The following OSBPL2 variants were observed in gnomAD, a reference collection of about 807,000 sequenced individuals.
The protein encoded by OSBPL2 is oxysterol-binding protein-related protein 2.
A neutral mutation model predicts 58.4 loss-of-function variants in OSBPL2; 18 were observed. The observed-to-expected ratio is 0.31, with a 90% CI of 0.21 to 0.46. OSBPL2 has a LOEUF of 0.46. Ranked by LOEUF, OSBPL2 falls within the 20% of genes least tolerant of loss-of-function variation. The probability of loss-of-function intolerance (pLI) is 1.00; values close to 1 mark genes in which losing one functional copy is unlikely to be tolerated. For missense variants in OSBPL2, 461 were observed against 616.5 expected (o/e 0.75, Z 2.67); for synonymous variants, 221 against 234.1 (o/e 0.94, Z 0.51).
intron 1 of OSBPL2, among the ~76,000 whole-genome samples, chr20:62,249,358 A>G (rs1980370773): frequency 6.6e-6 from 1 of 152,192 alleles, no homozygotes; most frequent in Non-Finnish European, 1.5e-5. Context: ...CTTAAAACAG[A>G]CAGAAAACCC....
chr20:62,256,019 TC>T, intron 1 of OSBPL2, 37 bp from the exon 2 acceptor site: 1 of 611,692 alleles, frequency 1.6e-6, no homozygotes, highest in Non-Finnish European at 2.8e-6. Flanking sequence ...CCGTGAAACT[TC>T]TGGAAGCTAA....
chr20:62,287,801 G>A (rs548597902), intron 11 of OSBPL2, among the ~76,000 whole-genome samples: 3 of 152,158 alleles, frequency 2.0e-5, no homozygotes, highest in Non-Finnish European at 2.9e-5. Flanking sequence ...GGAAAATTGC[G>A]TATGTTTTTT....
At chr20:62,289,121 A>T in intron 11 of OSBPL2, 86 bp from the exon 12 acceptor site, 1 of 1,495,186 alleles carries the variant, frequency 6.7e-7, no homozygotes. Context: ...CACCTGCGGG[A>T]TTTCAGGGGC....
intron 3 of OSBPL2, among the ~76,000 whole-genome samples, chr20:62,263,037 C>G (rs551764525): frequency 6.6e-6 from 1 of 152,236 alleles, no homozygotes; most frequent in African/African-American, 2.4e-5. Context: ...GTGGGGAGAC[C>G]AGGGCCCCGG....
At chr20:62,239,900 T>C (rs1400905634) in intron 1 of OSBPL2, among the ~76,000 whole-genome samples, 1 of 152,246 alleles carries the variant, frequency 6.6e-6, no homozygotes, top group African/African-American at 2.4e-5. Context: ...TTGCCCAGGC[T>C]GGAGTGCAGT....
chr20:62,261,182 T>C (rs1245769116), intron 3 of OSBPL2, among the ~76,000 whole-genome samples: 1 of 151,672 alleles, frequency 6.6e-6, no homozygotes. Flanking sequence ...TGGGCGTGGC[T>C]GTGCGCATCT....
Position 62,263,623 on chromosome 20 carries a change from C to T in OSBPL2, c.190C>T (p.Leu64=), listed in dbSNP as rs1250204888. 5 of 1,614,018 alleles carry T rather than the reference C, an allele frequency of 3.1e-6. No individual in the cohort carries two copies. The East Asian group carries it at 1.1e-4, about 36-fold the overall frequency. The change falls in exon 4 of 14, where the codon CTG becomes TTG. Residue 64 remains leucine (L), a synonymous_variant. Transcript: ENST00000313733. ...ENGIQKHRTS[L]PAPMFSRSDF... is the part of the protein sequence containing the mutation. ...CCCTTTTGTGCTTCGCAGGACATCG[C>T]TGCCGGCTCCCATGTTCAGCAGAAG...
chr20:62,254,227 G>C (rs529239156), intron 1 of OSBPL2, among the ~76,000 whole-genome samples: 71 of 152,312 alleles, frequency 4.7e-4, no homozygotes, highest in Non-Finnish European at 7.3e-4. Context: ...TCAGATCTCA[G>C]CATGTGTTTG....
rs1344014541 is a variant in OSBPL2, at chr20:62,286,585, T to C, written c.999T>C (p.Asp333=). Residue 333 remains aspartate (D), a splice_region_variant and synonymous_variant, in exon 11 of 14, where the codon GAT becomes GAC. Coordinates refer to ENST00000313733, the MANE Select transcript of OSBPL2 (RefSeq NM_144498.4). ...CACAGCAGGGTTCTGTGTTTCAGGA[T>C]GAAGACTCCGGGAAGGCTGACAGCG... ...RGDHLRKAKL[D]EDSGKADSDV... is the part of the protein sequence containing the mutation. The C allele has an allele frequency of 1.2e-6, 2 of 1,612,572 alleles. No individual in the cohort carries two copies. Among genetic ancestry groups the C allele is most frequent in the Non-Finnish European group, 1.7e-6 (2 of 1,179,074 alleles).
chr20:62,253,127 G>A (rs1021454813), intron 1 of OSBPL2, among the ~76,000 whole-genome samples: 12 of 152,276 alleles, frequency 7.9e-5, no homozygotes, highest in African/African-American at 2.7e-4. Flanking sequence ...GCCGTCTCTC[G>A]GGGTTCAGTG....
intron 3 of OSBPL2, among the ~76,000 whole-genome samples, chr20:62,263,221 C>T (rs1002174057): frequency 6.6e-6 from 1 of 152,198 alleles, no homozygotes; most frequent in Admixed American, 6.5e-5. Flanking sequence ...ATTCAGGTCA[C>T]TCTTGCTGCC....
intron 10 of OSBPL2, chr20:62,284,709 T>G (rs2145971563): frequency 6.5e-6 from 1 of 153,488 alleles, no homozygotes; most frequent in South Asian, 2.0e-4. Flanking sequence ...GCACGGAGGC[T>G]GCTGCTATAA....
intron 7 of OSBPL2, 75 bp downstream of exon 7, chr20:62,279,414 G>A: frequency 6.9e-7 from 1 of 1,456,876 alleles, no homozygotes; most frequent in East Asian, 2.4e-5. Flanking sequence ...TGGAGGGAAA[G>A]CTTCCTTCAG....
At chr20:62,243,474 C>T (rs745972694) in intron 1 of OSBPL2, among the ~76,000 whole-genome samples, 31 of 61,782 alleles carry the variant, frequency 5.0e-4, no homozygotes, top group Admixed American at 2.7e-3. Flanking sequence ...AGCGCCTGCC[C>T]GGCAGCTCCG....
At chr20:62,263,516 G>A in intron 3 of OSBPL2, 100 bp from the exon 4 acceptor site, 1 of 928,634 alleles carries the variant, frequency 1.1e-6, no homozygotes, top group Non-Finnish European at 1.8e-6. Flanking sequence ...CAATGTTTAG[G>A]AGTAAAAATT....
intron 6 of OSBPL2, among the ~76,000 whole-genome samples, chr20:62,275,517 A>G (rs6061478): frequency 0.98 from 149,203 of 152,050 alleles, 73,265 homozygotes; most frequent in East Asian, 1. Flanking sequence ...ATATGATCAC[A>G]GCTCACTGTA....
chr20:62,284,869 G>C (rs1601197449), intron 10 of OSBPL2: 1 of 152,136 alleles, frequency 6.6e-6, no homozygotes, highest in African/African-American at 2.4e-5. Context: ...CTTTGAGTTA[G>C]CCTAGACATA....
chr20:62,239,547 C>T (rs1374048616), intron 1 of OSBPL2, among the ~76,000 whole-genome samples: 1 of 152,210 alleles, frequency 6.6e-6, no homozygotes, highest in Non-Finnish European at 1.5e-5. Context: ...GCTCCGGCAG[C>T]TTTGGGATGA....
intron 5 of OSBPL2, 78 bp downstream of exon 5, chr20:62,272,337 C>A: frequency 1.3e-6 from 2 of 1,524,624 alleles, no homozygotes; most frequent in South Asian, 1.2e-5. Flanking sequence ...AGTCTTGGGG[C>A]CCCAGGCATC....
Sources: allele counts gnomAD v4.1 joint callset (sites outside exome capture counted in the v4.1 genomes callset), GRCh38; gene constraint gnomAD v4.1.1; transcripts MANE v1.5; gene names NCBI Gene and HGNC (gene_info 2026-07-23, HGNC 2026-07-21).